CA10: variants seen among roughly 807,000 people sequenced by gnomAD.
The protein encoded by CA10 is carbonic anhydrase-related protein 10.
Under a neutral mutation model 44.2 loss-of-function variants are expected in CA10, and 14 were observed. That is an observed-to-expected ratio of 0.32 (90% CI 0.21 to 0.50). The LOEUF (loss-of-function observed/expected upper bound fraction) is 0.50, where lower values mean the gene tolerates loss of function less well. Among genes scored for constraint, CA10 ranks in the 20% least tolerant of loss-of-function variants. The pLI, the probability that CA10 is intolerant of heterozygous loss-of-function variation, is 0.99. For missense variants in CA10, 350 were observed against 409.7 expected, an observed-to-expected ratio of 0.85 and a Z score of 1.26; for synonymous variants, 159 against 141.6, an observed-to-expected ratio of 1.12 and a Z score of -0.87.
chr17:52,151,840 A>T (rs1989709262), intron 1 of CA10, among the ~76,000 whole-genome samples: 1 of 152,118 alleles, frequency 6.6e-6, no homozygotes, highest in Non-Finnish European at 1.5e-5. Context: ...AACTTAAATT[A>T]CTTATCCAAG....
intron 3 of CA10, chr17:51,763,060 A>G (rs928413878): frequency 1.3e-5 from 2 of 152,000 alleles, no homozygotes; most frequent in African/African-American, 2.4e-5. Flanking sequence ...AAAAATCAAA[A>G]CCCAAGAAAA....
chr17:52,098,515 T>A (rs532538189), intron 1 of CA10, among the ~76,000 whole-genome samples: 3 of 152,216 alleles, frequency 2.0e-5, no homozygotes, highest in Non-Finnish European at 4.4e-5. Flanking sequence ...AAATCAGTTA[T>A]CTGACAACAG....
At chr17:52,035,091 T>C (rs1307267765) in intron 2 of CA10, among the ~76,000 whole-genome samples, 1 of 152,144 alleles carries the variant, frequency 6.6e-6, no homozygotes, top group Non-Finnish European at 1.5e-5. Context: ...ACCTTCAAGC[T>C]GAAAAGCCTG....
chr17:51,981,368 T>G (rs1315020164), intron 2 of CA10, among the ~76,000 whole-genome samples: 3 of 151,972 alleles, frequency 2.0e-5, no homozygotes. Flanking sequence ...GATTGACACA[T>G]GCAACATGCG....
At chr17:51,647,046 A>AGTAGG (rs1913371009) in intron 6 of CA10, among the ~76,000 whole-genome samples, 1 of 152,004 alleles carries the variant, frequency 6.6e-6, no homozygotes, top group African/African-American at 2.4e-5. Context: ...AGAGGTGTAG[A>AGTAGG]GTATGGGGGT....
chr17:51,632,970 C>T (rs756293630), intron 8 of CA10, among the ~76,000 whole-genome samples: 1 of 152,092 alleles, frequency 6.6e-6, no homozygotes, highest in African/African-American at 2.4e-5. Context: ...AATGGCCTGC[C>T]CTTTAGAGTA....
chr17:51,728,621 CCT>C (rs1916608895), intron 4 of CA10, among the ~76,000 whole-genome samples: 3 of 152,176 alleles, frequency 2.0e-5, no homozygotes, highest in African/African-American at 7.2e-5. Flanking sequence ...GGGAAAGTGC[CCT>C]TCTCTTCGCA....
intron 3 of CA10, among the ~76,000 whole-genome samples, chr17:51,836,543 G>C (rs971915573): frequency 6.6e-6 from 1 of 152,176 alleles, no homozygotes; most frequent in Non-Finnish European, 1.5e-5. Flanking sequence ...GGTAACCCAG[G>C]TCTTTCCCCC....
At chr17:51,865,649 A>G (rs1979514035) in intron 3 of CA10, among the ~76,000 whole-genome samples, 1 of 152,142 alleles carries the variant, frequency 6.6e-6, no homozygotes, top group Non-Finnish European at 1.5e-5. Context: ...TGTGAGATAG[A>G]AGTTATTCTT....
chr17:51,812,520 C>A (rs1567847916), intron 3 of CA10, among the ~76,000 whole-genome samples: 1 of 152,198 alleles, frequency 6.6e-6, no homozygotes, highest in Non-Finnish European at 1.5e-5. Context: ...CATTTACTAG[C>A]ACCCCACTGG....
intron 3 of CA10, among the ~76,000 whole-genome samples, chr17:51,849,965 C>A (rs1598080525): frequency 6.6e-6 from 1 of 152,228 alleles, no homozygotes. Context: ...GGAAAGATGC[C>A]AAACTGGGGT....
intron 2 of CA10, among the ~76,000 whole-genome samples, chr17:52,022,714 G>A (rs1210274406): frequency 2.0e-5 from 3 of 151,902 alleles, no homozygotes; most frequent in Non-Finnish European, 4.4e-5. Flanking sequence ...CAACCCTAAA[G>A]ACTCCATTTA....
intron 3 of CA10, among the ~76,000 whole-genome samples, chr17:51,821,306 C>T (rs1276005189): frequency 6.6e-6 from 1 of 151,684 alleles, no homozygotes; most frequent in African/African-American, 2.4e-5. Context: ...TTGAAGTAGG[C>T]CAAGTGCCAT....
chr17:51,985,179 G>A (rs548459742), intron 2 of CA10, among the ~76,000 whole-genome samples: 1 of 152,026 alleles, frequency 6.6e-6, no homozygotes, highest in East Asian at 1.9e-4. Flanking sequence ...GATCAAGTGG[G>A]TTTCATACCA....
intron 1 of CA10, among the ~76,000 whole-genome samples, chr17:52,155,065 A>G (rs1989776772): frequency 6.6e-6 from 1 of 152,210 alleles, no homozygotes; most frequent in African/African-American, 2.4e-5. Context: ...TATCTTCCAC[A>G]TGACAAAGCT....
At chr17:52,013,225 T>G (rs1258432710) in intron 2 of CA10, among the ~76,000 whole-genome samples, 2 of 151,940 alleles carry the variant, frequency 1.3e-5, no homozygotes, top group East Asian at 3.9e-4. Context: ...AATAAATCAA[T>G]GTAGGAGTAG....
At chr17:51,697,220 A>AT (rs1915432630) in intron 4 of CA10, among the ~76,000 whole-genome samples, 1 of 152,160 alleles carries the variant, frequency 6.6e-6, no homozygotes, top group Non-Finnish European at 1.5e-5. Flanking sequence ...AGTAACATGT[A>AT]TTTTAGCTTC....
At chr17:51,874,424 G>T (rs1979960206) in intron 3 of CA10, among the ~76,000 whole-genome samples, 1 of 149,180 alleles carries the variant, frequency 6.7e-6, no homozygotes, top group African/African-American at 2.5e-5. Flanking sequence ...TGAAAACTCA[G>T]CTCTCCTTTA....
intron 4 of CA10, among the ~76,000 whole-genome samples, chr17:51,672,252 T>C (rs1436157912): frequency 3.3e-5 from 5 of 152,206 alleles, no homozygotes; most frequent in East Asian, 3.8e-4. Context: ...ACCACCACGA[T>C]GATGGCTCAA....
Sources: allele counts gnomAD v4.1 joint callset (sites outside exome capture counted in the v4.1 genomes callset), GRCh38; gene constraint gnomAD v4.1.1; transcripts MANE v1.5; gene names NCBI Gene and HGNC (gene_info 2026-07-23, HGNC 2026-07-21).